SETD7: variants seen among roughly 807,000 people sequenced by gnomAD.
SETD7 encodes SET domain containing 7, histone lysine methyltransferase.
A neutral mutation model predicts 41.8 loss-of-function variants in SETD7; 16 were observed. The observed-to-expected ratio is 0.38, with a 90% CI of 0.26 to 0.58. The LOEUF is 0.58. Among genes scored for constraint, SETD7 ranks in the 20% least tolerant of loss-of-function variants. SETD7 has a pLI of 0.64. For missense variants in SETD7, 346 were observed against 459.7 expected, an observed-to-expected ratio of 0.75 and a Z score of 2.26; for synonymous variants, 163 against 169.7, an observed-to-expected ratio of 0.96 and a Z score of 0.31.
intron 3 of SETD7, among the ~76,000 whole-genome samples, chr4:139,532,020 C>T (rs1489372499): frequency 4.6e-5 from 7 of 152,072 alleles, no homozygotes; most frequent in Non-Finnish European, 8.8e-5. Context: ...CTTGAACCCA[C>T]GAGGCAGAGG....
chr4:139,531,458 C>T (rs1727480501), intron 3 of SETD7, among the ~76,000 whole-genome samples: 1 of 152,164 alleles, frequency 6.6e-6, no homozygotes, highest in Non-Finnish European at 1.5e-5. Context: ...CACTGGGCAG[C>T]AAGATGCCCA....
intron 2 of SETD7, among the ~76,000 whole-genome samples, chr4:139,544,797 A>AGTGTGTGTGTGTGTGTGTGTGT (rs10581648): frequency 1.4e-5 from 2 of 144,840 alleles, no homozygotes; most frequent in African/African-American, 5.1e-5. Context: ...CCAGATTTAA[A>AGTGTGTGTGTGTGTGTGTGTGT]GTGTGTGTGT....
At position 139,533,471 on chromosome 4, in the gene SETD7, G is replaced by C. The variant is rs1727548551; in HGVS notation, c.171-105C>G. The C allele has an allele frequency of 4.1e-6, 4 of 968,600 alleles. No individual in the cohort carries two copies. In the South Asian group the frequency reaches 6.2e-5, roughly 15 times the overall value. 60.0% of individuals were successfully genotyped at this position (968,600 alleles called of 1,614,324 possible). A position where few individuals can be genotyped will look rare whatever the true frequency, so the allele number is the denominator to read the frequency against. On this transcript the variant is annotated intron_variant, in intron 2 of 7. Coordinates refer to ENST00000274031, the MANE Select transcript of SETD7 (RefSeq NM_030648.4). ...CTGCATGCCCAGCTGTGTCAGCCCT[G>C]ACATGGATTCAGCGCAGCCTCCTAA...
intron 4 of SETD7, among the ~76,000 whole-genome samples, chr4:139,524,551 G>A (rs918877106): frequency 3.9e-5 from 6 of 152,186 alleles, no homozygotes; most frequent in African/African-American, 1.4e-4. Flanking sequence ...AGGAGGTGAT[G>A]GGGCCACTGC....
At chr4:139,498,038 C>A (rs113739475) in intron 7 of SETD7, among the ~76,000 whole-genome samples, 76 of 152,266 alleles carry the variant, frequency 5.0e-4, no homozygotes, top group African/African-American at 1.7e-3. Flanking sequence ...TACGGTAAGA[C>A]CATCAGTATC....
intron 1 of SETD7, among the ~76,000 whole-genome samples, chr4:139,551,720 T>TA (rs1467805900): frequency 6.6e-6 from 1 of 152,146 alleles, no homozygotes; most frequent in Admixed American, 6.5e-5. Context: ...AACATTGCTT[T>TA]AAAAAACAAC....
intron 2 of SETD7, among the ~76,000 whole-genome samples, chr4:139,541,883 A>G (rs1287703553): frequency 6.6e-6 from 1 of 152,234 alleles, no homozygotes; most frequent in African/African-American, 2.4e-5. Flanking sequence ...TGCTATTTAA[A>G]CTGATTTAGA....
intron 7 of SETD7, 26 bp downstream of exon 7, chr4:139,517,859 C>A: frequency 6.3e-7 from 1 of 1,599,448 alleles, no homozygotes; most frequent in Non-Finnish European, 8.5e-7. Flanking sequence ...CATAGATCCG[C>A]CCCAGCAGCT....
intron 7 of SETD7, among the ~76,000 whole-genome samples, chr4:139,497,597 G>GTT (rs372331930): frequency 2.7e-5 from 4 of 146,872 alleles, no homozygotes; most frequent in Admixed American, 6.8e-5. Flanking sequence ...TTGTTTTTTT[G>GTT]TTTTTTTTTT....
intron 7 of SETD7, among the ~76,000 whole-genome samples, chr4:139,513,808 C>T (rs1726946766): frequency 6.6e-6 from 1 of 152,202 alleles, no homozygotes; most frequent in Non-Finnish European, 1.5e-5. Flanking sequence ...ATATAGAAAG[C>T]ACCTTATACA....
intron 1 of SETD7, among the ~76,000 whole-genome samples, chr4:139,549,356 T>C (rs996746184): frequency 1.3e-5 from 2 of 152,230 alleles, no homozygotes; most frequent in African/African-American, 4.8e-5. Context: ...CCCTGTGCTA[T>C]TTCTGAATAA....
chr4:139,544,922 G>C (rs1727895999), intron 2 of SETD7, among the ~76,000 whole-genome samples: 1 of 151,804 alleles, frequency 6.6e-6, no homozygotes, highest in Admixed American at 6.6e-5. Context: ...CTTCTTTTTA[G>C]TATCAAATTA....
At chr4:139,493,540 A>ATT (rs200493936), downstream of SETD7, among the ~76,000 whole-genome samples, 5 of 139,882 alleles carry the variant, frequency 3.6e-5, no homozygotes, top group East Asian at 2.1e-4. Context: ...GTACTTTACT[A>ATT]TTTTTTTTTT....
chr4:139,513,815 T>C (rs964367052), intron 7 of SETD7, among the ~76,000 whole-genome samples: 1 of 152,236 alleles, frequency 6.6e-6, no homozygotes, highest in African/African-American at 2.4e-5. Flanking sequence ...AAGCACCTTA[T>C]ACAGTGCCTG....
chr4:139,532,583 G>C (rs535948270), intron 3 of SETD7: 1 of 152,794 alleles, frequency 6.5e-6, no homozygotes, highest in African/African-American at 2.4e-5. Flanking sequence ...CATGGGTTCT[G>C]CCATATCTTT....
At position 139,544,797 on chromosome 4, in the gene SETD7, A is replaced by AGTGTGTGTGTGTGTGTGT. The variant is rs10581648; in HGVS notation, c.170+2105_170+2122dup. Among the ~76,000 whole-genome samples the AGTGTGTGTGTGTGTGTGT allele has an allele frequency of 3.0e-4, 43 of 144,944 alleles. No individual in the cohort carries two copies. The South Asian group carries it at 3.6e-3, about 12-fold the overall frequency. On this transcript the variant is annotated intron_variant, in intron 2 of 7. Transcript: ENST00000274031. ...ATCATCATCAAACTACCAGATTTAA[A>AGTGTGTGTGTGTGTGTGT]GTGTGTGTGTGTGTGTGTGTGTGTG... is the stretch of plus-strand genomic sequence containing the variant.
rs1485167557 is a variant in SETD7 at position 139,508,150 on chromosome 4, A to G, written c.*3513T>C. 1 of 152,224 alleles carries G rather than the reference A, an allele frequency of 6.6e-6. No individual in the cohort carries two copies. Among genetic ancestry groups the G allele is most frequent in the East Asian group, 1.9e-4 (1 of 5,200 alleles). The allele number at this position is 152,224 out of a possible 1,614,324, so 9.4% of individuals were successfully genotyped here. A position where few individuals can be genotyped will look rare whatever the true frequency, so the allele number is the denominator to read the frequency against. ...TAATGCAATTTTAATAGTTATATTT[A>G]AATGTTAAAAATTGTTACATTTGGC... On this transcript the variant is annotated 3_prime_UTR_variant, in exon 8 of 8. Coordinates refer to ENST00000274031, the MANE Select transcript of SETD7 (RefSeq NM_030648.4).
At chr4:139,541,255 T>C (rs1414833531) in intron 2 of SETD7, among the ~76,000 whole-genome samples, 1 of 152,212 alleles carries the variant, frequency 6.6e-6, no homozygotes, top group Non-Finnish European at 1.5e-5. Flanking sequence ...AATATCTCCT[T>C]CTTGTTCACC....
At chr4:139,505,359 C>T (rs1327236777), downstream of SETD7, among the ~76,000 whole-genome samples, 2 of 152,174 alleles carry the variant, frequency 1.3e-5, no homozygotes, top group African/African-American at 4.8e-5. Context: ...GAGGCCAAGG[C>T]AGGCAGATCA....
Sources: gnomAD v4.1 joint callset for allele counts (sites outside exome capture counted in the v4.1 genomes callset) on GRCh38, gnomAD v4.1.1 for gene constraint, MANE v1.5 for transcripts, NCBI Gene and HGNC (gene_info 2026-07-23, HGNC 2026-07-21) for gene names.